The following NEGR1 variants were observed in gnomAD, a reference collection of about 807,000 sequenced individuals.
The protein encoded by NEGR1 is neuronal growth regulator 1, also known as IgLON family member 4.
A neutral mutation model predicts 40.9 loss-of-function variants in NEGR1; 10 were observed. The observed-to-expected ratio is 0.24, with a 90% confidence interval of 0.15 to 0.42. The LOEUF (loss-of-function observed/expected upper bound fraction) is 0.42, where lower values mean the gene tolerates loss of function less well. NEGR1 is among the 10% of genes least tolerant of loss of function. NEGR1 has a pLI of 1.00. For missense variants in NEGR1, 352 were observed against 438.9 expected, an observed-to-expected ratio of 0.80 and a Z score of 1.77; for synonymous variants, 185 against 166.8, an observed-to-expected ratio of 1.11 and a Z score of -0.84.
intron 2 of NEGR1, among the ~76,000 whole-genome samples, chr1:71,910,542 T>C (rs1661397307): frequency 6.6e-6 from 1 of 152,164 alleles, no homozygotes; most frequent in Non-Finnish European, 1.5e-5. Flanking sequence ...GACTTGAAAA[T>C]CCATTCTATT....
intron 2 of NEGR1, among the ~76,000 whole-genome samples, chr1:71,871,473 ACTTTTTCATG>A (rs891913682): frequency 6.6e-6 from 1 of 152,140 alleles, no homozygotes; most frequent in Non-Finnish European, 1.5e-5. Context: ...ATTTCGAGCC[ACTTTTTCATG>A]CGGCATCCCA....
At chr1:72,145,756 T>G (rs1219892853) in intron 1 of NEGR1, among the ~76,000 whole-genome samples, 1 of 152,260 alleles carries the variant, frequency 6.6e-6, no homozygotes, top group African/African-American at 2.4e-5. Context: ...TTCATTATTT[T>G]TCCTTATTTT....
At chr1:72,205,756 CAAAAAAAAAA>C (rs35490878) in intron 1 of NEGR1, among the ~76,000 whole-genome samples, 18 of 30,892 alleles carry the variant, frequency 5.8e-4, no homozygotes, top group East Asian at 2.7e-3. Flanking sequence ...CCCATTTCTA[CAAAAAAAAAA>C]AAAAAAAAAA....
At chr1:72,277,416 G>T (rs1180403489) in intron 1 of NEGR1, among the ~76,000 whole-genome samples, 1 of 152,146 alleles carries the variant, frequency 6.6e-6, no homozygotes, top group Non-Finnish European at 1.5e-5. Flanking sequence ...AACAAGTAGT[G>T]CATTAACACG....
chr1:72,224,583 G>A (rs552907506), intron 1 of NEGR1, among the ~76,000 whole-genome samples: 3 of 152,000 alleles, frequency 2.0e-5, no homozygotes, highest in Non-Finnish European at 4.4e-5. Context: ...CTTGCATGTC[G>A]GAATGCATGG....
chr1:71,595,411 C>T (rs564747790), intron 5 of NEGR1, among the ~76,000 whole-genome samples: 16 of 152,292 alleles, frequency 1.1e-4, no homozygotes, highest in African/African-American at 3.9e-4. Flanking sequence ...CCTCAAACAT[C>T]ACGTAAGAAC....
chr1:72,168,020 T>TC (rs1292301142), intron 1 of NEGR1, among the ~76,000 whole-genome samples: 5 of 150,770 alleles, frequency 3.3e-5, no homozygotes, highest in Non-Finnish European at 5.9e-5. Flanking sequence ...TTTTTTTTTT[T>TC]CTGAGACAAG....
chr1:72,139,520 C>A (rs1265901177), intron 1 of NEGR1, among the ~76,000 whole-genome samples: 1 of 151,906 alleles, frequency 6.6e-6, no homozygotes, highest in East Asian at 1.9e-4. Flanking sequence ...TTTATGCCAA[C>A]AAATTTAACA....
At chr1:72,069,538 T>A (rs1647375436) in intron 1 of NEGR1, among the ~76,000 whole-genome samples, 1 of 152,134 alleles carries the variant, frequency 6.6e-6, no homozygotes, top group Non-Finnish European at 1.5e-5. Context: ...AGGTCATAAA[T>A]CTACTTTTGA....
At chr1:71,684,968 T>G (rs550886333) in intron 4 of NEGR1, among the ~76,000 whole-genome samples, 1 of 152,330 alleles carries the variant, frequency 6.6e-6, no homozygotes, top group African/African-American at 2.4e-5. Flanking sequence ...ATTAATTCTT[T>G]AAGGTATTTT....
chr1:72,249,286 T>A (rs1307191654), intron 1 of NEGR1, among the ~76,000 whole-genome samples: 1 of 152,230 alleles, frequency 6.6e-6, no homozygotes, highest in African/African-American at 2.4e-5. Flanking sequence ...ACTTCTCAGC[T>A]TCTAAAACTG....
intron 1 of NEGR1, among the ~76,000 whole-genome samples, chr1:72,092,344 A>G (rs545659879): frequency 9.2e-5 from 14 of 152,238 alleles, no homozygotes; most frequent in African/African-American, 3.1e-4. Flanking sequence ...ACATGAAAAA[A>G]TGCTTCTGAG....
intron 1 of NEGR1, among the ~76,000 whole-genome samples, chr1:72,141,417 T>G (rs901356598): frequency 1.3e-5 from 2 of 152,064 alleles, no homozygotes; most frequent in Non-Finnish European, 2.9e-5. Context: ...AAATCATACA[T>G]TCCATAAATA....
intron 6 of NEGR1, among the ~76,000 whole-genome samples, chr1:71,485,201 C>T (rs960988353): frequency 7.1e-6 from 1 of 139,888 alleles, no homozygotes; most frequent in Non-Finnish European, 1.6e-5. Context: ...CACCCTATTT[C>T]TTATGCTCCT....
intron 1 of NEGR1, among the ~76,000 whole-genome samples, chr1:71,944,910 G>T (rs1646003066): frequency 6.6e-6 from 1 of 151,956 alleles, no homozygotes; most frequent in Non-Finnish European, 1.5e-5. Flanking sequence ...TCGAGAAAAT[G>T]GACTAAACCA....
intron 1 of NEGR1, among the ~76,000 whole-genome samples, chr1:72,015,871 T>C (rs1646705316): frequency 6.6e-6 from 1 of 151,930 alleles, no homozygotes. Flanking sequence ...ATGACCAAAA[T>C]AATCTCAAAG....
intron 2 of NEGR1, among the ~76,000 whole-genome samples, chr1:71,844,669 A>G (rs1160161291): frequency 6.6e-6 from 1 of 152,206 alleles, no homozygotes; most frequent in Non-Finnish European, 1.5e-5. Flanking sequence ...GAATGGCATA[A>G]AATCAGGATA....
intron 4 of NEGR1, among the ~76,000 whole-genome samples, chr1:71,671,195 C>T (rs1652416652): frequency 1.3e-5 from 2 of 152,216 alleles, no homozygotes; most frequent in South Asian, 4.1e-4. Flanking sequence ...AACAATTCCA[C>T]TTGATTTGTC....
intron 1 of NEGR1, among the ~76,000 whole-genome samples, chr1:72,164,087 A>C (rs1651687808): frequency 6.6e-6 from 1 of 151,904 alleles, no homozygotes; most frequent in South Asian, 2.1e-4. Flanking sequence ...TCCATCAGTA[A>C]GTTTTCAGGT....
Sources: gnomAD v4.1 joint callset for allele counts (sites outside exome capture counted in the v4.1 genomes callset) on GRCh38, gnomAD v4.1.1 for gene constraint, MANE v1.5 for transcripts, NCBI Gene and HGNC (gene_info 2026-07-23, HGNC 2026-07-21) for gene names.